RAB28: variants seen among roughly 807,000 people sequenced by gnomAD.
RAB28 encodes ras-related protein Rab-28.
In RAB28, 24 loss-of-function variants were observed where a neutral mutation model predicts 31.7. The observed-to-expected ratio is 0.76, with a 90% CI of 0.55 to 1.06. The LOEUF is 1.06. RAB28 is among the 50% of genes least tolerant of loss of function. RAB28 has a pLI of 0.00. For synonymous variants in RAB28, 100 were observed against 90.4 expected (o/e 1.11, Z -0.60); for missense variants, 254 against 258.5 (o/e 0.98, Z 0.12).
At chr4:13,374,295 A>AT (rs1560265674) in intron 6 of RAB28, among the ~76,000 whole-genome samples, 1 of 152,150 alleles carries the variant, frequency 6.6e-6, no homozygotes, top group Non-Finnish European at 1.5e-5. Flanking sequence ...GTAGGGAACT[A>AT]TGTAGTTAAC....
chr4:13,446,325 G>GGCTTC (rs1714692935), intron 4 of RAB28, among the ~76,000 whole-genome samples: 1 of 152,200 alleles, frequency 6.6e-6, no homozygotes, highest in Admixed American at 6.5e-5. Flanking sequence ...GGGATCCACT[G>GGCTTC]AGCAAGATCG....
At chr4:13,439,706 A>G (rs1450340726) in intron 4 of RAB28, among the ~76,000 whole-genome samples, 2 of 152,188 alleles carry the variant, frequency 1.3e-5, no homozygotes, top group African/African-American at 4.8e-5. Flanking sequence ...TCTTAAGTTT[A>G]GGCCTTTGAT....
At chr4:13,471,192 G>A (rs1420775966) in intron 3 of RAB28, among the ~76,000 whole-genome samples, 1 of 152,044 alleles carries the variant, frequency 6.6e-6, no homozygotes, top group Non-Finnish European at 1.5e-5. Flanking sequence ...AAGTATTCAT[G>A]AGATAGGTAA....
rs1426952961 is a variant in RAB28, at chr4:13,400,294, T to A, written c.392-18700A>T. ...ATGGCAAATGCTTCTCAGAAGCATATTCTTATTCTTGGATTTTTCATCTTC... is the reference window on the plus strand; with the variant it reads ...ATGGCAAATGCTTCTCAGAAGCATAATCTTATTCTTGGATTTTTCATCTTC... On this transcript the variant is annotated intron_variant, in intron 4 of 6. Coordinates refer to ENST00000330852, the MANE Select transcript of RAB28 (RefSeq NM_001017979.3). 3.3e-5 allele frequency among the ~76,000 whole-genome samples: 5 copies of A among 152,184 alleles called. No homozygotes were observed. In the East Asian group the frequency reaches 5.8e-4, roughly 18 times the overall value.
At chr4:13,449,555 C>T (rs1023855452) in intron 4 of RAB28, among the ~76,000 whole-genome samples, 5 of 152,012 alleles carry the variant, frequency 3.3e-5, no homozygotes, top group African/African-American at 1.2e-4. Context: ...TGTAAAACAT[C>T]ACTTCCTGGG....
At chr4:13,433,447 A>G (rs562752995) in intron 4 of RAB28, among the ~76,000 whole-genome samples, 5 of 152,284 alleles carry the variant, frequency 3.3e-5, no homozygotes, top group African/African-American at 9.6e-5. Context: ...ACTTAATTCA[A>G]CAAGCAAAAC....
At chr4:13,382,946 C>T (rs377388003) in intron 4 of RAB28, among the ~76,000 whole-genome samples, 21 of 152,138 alleles carry the variant, frequency 1.4e-4, no homozygotes, top group African/African-American at 5.1e-4. Context: ...ATGATCCACC[C>T]ACCTCGGCCT....
intron 4 of RAB28, among the ~76,000 whole-genome samples, chr4:13,404,521 C>A (rs1711959124): frequency 6.6e-6 from 1 of 152,118 alleles, no homozygotes; most frequent in Non-Finnish European, 1.5e-5. Flanking sequence ...AATCAATTTT[C>A]ACAAATTTTT....
At chr4:13,379,894 T>A (rs1351419162) in intron 5 of RAB28, among the ~76,000 whole-genome samples, 1 of 152,096 alleles carries the variant, frequency 6.6e-6, no homozygotes, top group African/African-American at 2.4e-5. Flanking sequence ...AGTAATTTCA[T>A]AAGAACAAAC....
At chr4:13,475,240 A>G (rs936891225) in intron 2 of RAB28, among the ~76,000 whole-genome samples, 1 of 151,644 alleles carries the variant, frequency 6.6e-6, no homozygotes, top group Admixed American at 6.6e-5. Context: ...AAAATTTATG[A>G]GATAAGCTAT....
intron 4 of RAB28, among the ~76,000 whole-genome samples, chr4:13,422,915 A>T (rs554378264): frequency 1.3e-5 from 2 of 152,208 alleles, no homozygotes; most frequent in South Asian, 4.1e-4. Context: ...AAATGAAAAA[A>T]AAAATAAAAT....
At chr4:13,383,852 G>C (rs1429881554) in intron 4 of RAB28, among the ~76,000 whole-genome samples, 1 of 152,184 alleles carries the variant, frequency 6.6e-6, no homozygotes, top group African/African-American at 2.4e-5. Context: ...AGACCTGAAT[G>C]ATGCAGGGCA....
chr4:13,441,687 AAATG>A (rs1714423498), intron 4 of RAB28, among the ~76,000 whole-genome samples: 1 of 152,250 alleles, frequency 6.6e-6, no homozygotes, highest in Non-Finnish European at 1.5e-5. Context: ...ATGGATGGCT[AAATG>A]AATGAAGACA....
chr4:13,435,017 C>CAAAAAAAAAA (rs991889676), intron 4 of RAB28, among the ~76,000 whole-genome samples: 1 of 47,032 alleles, frequency 2.1e-5, no homozygotes, highest in African/African-American at 7.2e-5. Flanking sequence ...GACTCCGTCT[C>CAAAAAAAAAA]AAAAAAAAAA....
At chr4:13,441,128 A>T (rs1433189121) in intron 4 of RAB28, among the ~76,000 whole-genome samples, 1 of 152,198 alleles carries the variant, frequency 6.6e-6, no homozygotes, top group East Asian at 1.9e-4. Flanking sequence ...TTGTTGTGGA[A>T]GTAAGATGAA....
At chr4:13,371,248 C>G (rs1277930939) in intron 6 of RAB28, 1 of 985,348 alleles carries the variant, frequency 1.0e-6, no homozygotes. Flanking sequence ...GGCACTCTGC[C>G]TGATGCTATC....
chr4:13,416,777 T>C (rs1046445509), intron 4 of RAB28, among the ~76,000 whole-genome samples: 1 of 152,192 alleles, frequency 6.6e-6, no homozygotes, highest in African/African-American at 2.4e-5. Context: ...CATTCCAAGA[T>C]GGCCAAATAG....
chr4:13,416,924 A>G (rs1712817836), intron 4 of RAB28, among the ~76,000 whole-genome samples: 1 of 152,224 alleles, frequency 6.6e-6, no homozygotes, highest in Non-Finnish European at 1.5e-5. Flanking sequence ...AAGCCGAAGC[A>G]GGGCGGGGCA....
At chr4:13,454,331 A>G (rs940693202) in intron 4 of RAB28, among the ~76,000 whole-genome samples, 2 of 152,040 alleles carry the variant, frequency 1.3e-5, no homozygotes, top group African/African-American at 4.8e-5. Context: ...GGCATTTTGT[A>G]TATTTCCTTA....
Sources: allele counts gnomAD v4.1 joint callset (sites outside exome capture counted in the v4.1 genomes callset), GRCh38; gene constraint gnomAD v4.1.1; transcripts MANE v1.5; gene names NCBI Gene and HGNC (gene_info 2026-07-23, HGNC 2026-07-21).